Variants in ACSM6 observed in about 807,000 individuals in gnomAD.
ACSM6 encodes acyl-coenzyme A synthetase ACSM6, mitochondrial.
In ACSM6, 35 loss-of-function variants were observed where a neutral mutation model predicts 51.1. That is an observed-to-expected ratio of 0.69 (90% CI 0.52 to 0.91). The LOEUF (loss-of-function observed/expected upper bound fraction) is 0.91. Ranked by LOEUF, ACSM6 falls within the 40% of genes least tolerant of loss-of-function variation. The pLI is 0.00. For synonymous variants in ACSM6, 172 were observed against 207.3 expected (o/e 0.83, Z 1.46); for missense variants, 509 against 584.1 (o/e 0.87, Z 1.32).
At chr10:95,219,253 A>T (rs2034971446) in intron 8 of ACSM6, among the ~76,000 whole-genome samples, 2 of 152,222 alleles carry the variant, frequency 1.3e-5, no homozygotes, top group Admixed American at 1.3e-4. Flanking sequence ...ACAAAACTGT[A>T]TTTGAATTCC....
rs544258456 is a variant in ACSM6, at chr10:95,214,376, A to C, written c.996-476A>C. ...AATTGTGGGTTTATAAAAAATGCTCACTACTATTCTATTGTTGGGGCGCTG... is the reference window on the plus strand; with the variant it reads ...AATTGTGGGTTTATAAAAAATGCTCCCTACTATTCTATTGTTGGGGCGCTG... On this transcript the variant is annotated intron_variant, in intron 7 of 10. Transcript: ENST00000341686. Among the ~76,000 whole-genome samples the C allele has an allele frequency of 4.7e-4, 56 of 118,036 alleles. 1 individual carries two copies. Among genetic ancestry groups the C allele is most frequent in the African/African-American group, 1.6e-3 (51 of 31,706 alleles). 77.4% of individuals were successfully genotyped at this position (118,036 alleles called of 152,430 possible).
intron 9 of ACSM6, among the ~76,000 whole-genome samples, chr10:95,220,452 C>T (rs1303740068): frequency 5.9e-4 from 89 of 152,130 alleles, no homozygotes; most frequent in Non-Finnish European, 4.4e-5. Context: ...GGAAGCAATA[C>T]TAAGATGGTA....
At chr10:95,210,435 C>T (rs74150793) in intron 4 of ACSM6, among the ~76,000 whole-genome samples, 10 of 151,878 alleles carry the variant, frequency 6.6e-5, no homozygotes, top group Non-Finnish European at 1.3e-4. Flanking sequence ...ATAAGGCTGG[C>T]GTATAAATGC....
intron 4 of ACSM6, among the ~76,000 whole-genome samples, chr10:95,208,652 A>T (rs1460409032): frequency 1.3e-5 from 2 of 152,212 alleles, no homozygotes; most frequent in Admixed American, 1.3e-4. Flanking sequence ...GAGTACAGAG[A>T]TCACATTTGC....
chr10:95,210,119 A>AACATTTC (rs1440485132), intron 4 of ACSM6, among the ~76,000 whole-genome samples: 2 of 152,244 alleles, frequency 1.3e-5, no homozygotes, highest in African/African-American at 4.8e-5. Context: ...ATTATTTAAA[A>AACATTTC]ACATTTCACT....
chr10:95,214,508 C>T (rs974381294), intron 7 of ACSM6, among the ~76,000 whole-genome samples: 7 of 152,180 alleles, frequency 4.6e-5, no homozygotes, highest in South Asian at 4.1e-4. Context: ...CTTACCATTG[C>T]TGACACATCC....
intron 2 of ACSM6, among the ~76,000 whole-genome samples, chr10:95,200,392 ATGC>A (rs2034779835): frequency 1.3e-5 from 2 of 151,612 alleles, no homozygotes; most frequent in Admixed American, 1.3e-4. Flanking sequence ...GATATACCTA[ATGC>A]TGAATGACGA....
chr10:95,198,222 A>C (rs1253253275), intron 2 of ACSM6, among the ~76,000 whole-genome samples: 1 of 151,922 alleles, frequency 6.6e-6, no homozygotes, highest in East Asian at 1.9e-4. Flanking sequence ...TTTTCCCTAC[A>C]TATCACCCTA....
At chr10:95,202,319 G>A in intron 3 of ACSM6, 124 bp downstream of exon 3, 2 of 897,816 alleles carry the variant, frequency 2.2e-6, no homozygotes, top group Non-Finnish European at 3.5e-6. Context: ...ACAGTGTGGG[G>A]GATCTTTAAA....
exon 6 of ACSM6, chr10:95,211,995 G>C: frequency 6.2e-7 from 1 of 1,614,112 alleles, no homozygotes; most frequent in Non-Finnish European, 8.5e-7. Flanking sequence ...GTGTGTTTCT[G>C]TGTCACATGC....
intron 3 of ACSM6, among the ~76,000 whole-genome samples, chr10:95,206,723 G>A (rs950689205): frequency 6.6e-5 from 10 of 152,146 alleles, no homozygotes; most frequent in Admixed American, 2.0e-4. Flanking sequence ...CTCATAGGAG[G>A]TCCACAATAG....
intron 3 of ACSM6, among the ~76,000 whole-genome samples, 169 bp from the exon 4 acceptor site, chr10:95,207,039 G>A (rs117128705): frequency 6.6e-6 from 1 of 152,146 alleles, no homozygotes; most frequent in African/African-American, 2.4e-5. Context: ...TCAGTCTCCT[G>A]CCTGTCTCAG....
chr10:95,209,319 G>A (rs2133380551), intron 4 of ACSM6, among the ~76,000 whole-genome samples: 1 of 152,230 alleles, frequency 6.6e-6, no homozygotes, highest in East Asian at 1.9e-4. Flanking sequence ...GCGGAGAGTG[G>A]GGAAGAGAGT....
At chr10:95,207,270 A>G (rs774671972) in exon 4 of ACSM6, 2 of 1,614,142 alleles carry the variant, frequency 1.2e-6, no homozygotes, top group Non-Finnish European at 1.7e-6. Context: ...TCAATTACGC[A>G]TGTCTAAGGC....
chr10:95,207,325 C>T, exon 4 of ACSM6: 1 of 1,614,150 alleles, frequency 6.2e-7, no homozygotes, highest in East Asian at 2.2e-5. Context: ...GTTGTAAACT[C>T]TGCCGTGTCC....
At chr10:95,207,160 C>G in intron 3 of ACSM6, 48 bp from the exon 4 acceptor site, 1 of 1,581,268 alleles carries the variant, frequency 6.3e-7, no homozygotes, top group Non-Finnish European at 8.7e-7. Flanking sequence ...AGGAAAAATT[C>G]TCTACTCAAA....
At chr10:95,194,670 T>C (rs1178742454) in exon 2 of ACSM6, 1 of 1,551,610 alleles carries the variant, frequency 6.4e-7, no homozygotes, top group Non-Finnish European at 8.7e-7. Context: ...TGGTCCCAGC[T>C]GGAAAAGGTA....
intron 10 of ACSM6, 193 bp from the exon 11 acceptor site, chr10:95,228,451 C>T: frequency 2.0e-6 from 1 of 494,436 alleles, no homozygotes; most frequent in Non-Finnish European, 3.4e-6. Context: ...AAAAAAAAAG[C>T]TGAAGTTAAG....
intron 3 of ACSM6, among the ~76,000 whole-genome samples, chr10:95,205,475 T>G (rs1447447443): frequency 6.6e-6 from 1 of 152,158 alleles, no homozygotes; most frequent in Admixed American, 6.5e-5. Flanking sequence ...CCTATTTTAT[T>G]AAGGCACTAA....
Sources: allele counts gnomAD v4.1 joint callset (sites outside exome capture counted in the v4.1 genomes callset), GRCh38; gene constraint gnomAD v4.1.1; transcripts MANE v1.5; gene names NCBI Gene and HGNC (gene_info 2026-07-23, HGNC 2026-07-21).